Variants in ERBB4 observed in about 807,000 individuals in gnomAD.
ERBB4 encodes erb-b2 receptor tyrosine kinase 4, also known as receptor tyrosine-protein kinase erbB-4.
A neutral mutation model predicts 158.0 loss-of-function variants in ERBB4; 42 were observed. The observed-to-expected ratio is 0.27, with a 90% CI of 0.21 to 0.34. The LOEUF (loss-of-function observed/expected upper bound fraction) is 0.34, where lower values mean the gene tolerates loss of function less well. ERBB4 is among the 10% of genes least tolerant of loss of function. The probability of loss-of-function intolerance (pLI) is 1.00; values close to 1 mark genes in which losing one functional copy is unlikely to be tolerated. For missense variants in ERBB4, 1,333 were observed against 1,624.1 expected, an observed-to-expected ratio of 0.82 and a Z score of 3.08; for synonymous variants, 583 against 558.7, an observed-to-expected ratio of 1.04 and a Z score of -0.61.
chr2:211,560,262 C>CTGTTTTTTTTTTTT (rs2067350307), intron 20 of ERBB4, among the ~76,000 whole-genome samples: 1 of 46,286 alleles, frequency 2.2e-5, no homozygotes, highest in African/African-American at 9.6e-5. Context: ...TGAAGCTTAG[C>CTGTTTTTTTTTTTT]TTTTTTTTTT....
intron 25 of ERBB4, among the ~76,000 whole-genome samples, chr2:211,411,356 G>C (rs2063258040): frequency 6.6e-6 from 1 of 152,148 alleles, no homozygotes; most frequent in African/African-American, 2.4e-5. Flanking sequence ...GTATTTGAAA[G>C]GTTTCTCAAA....
At chr2:211,748,460 T>C (rs2075036309) in intron 5 of ERBB4, among the ~76,000 whole-genome samples, 1 of 152,154 alleles carries the variant, frequency 6.6e-6, no homozygotes, top group South Asian at 2.1e-4. Flanking sequence ...TTCTGGGATC[T>C]AGCACTGGAG....
chr2:211,388,188 A>G (rs2062727382), intron 25 of ERBB4, among the ~76,000 whole-genome samples, 196 bp from the exon 26 acceptor site: 3 of 152,232 alleles, frequency 2.0e-5, no homozygotes. Context: ...TGTTTTGAGG[A>G]AAATAAATAT....
At chr2:211,929,283 GAGAC>G (rs1164321457) in intron 3 of ERBB4, among the ~76,000 whole-genome samples, 3 of 151,406 alleles carry the variant, frequency 2.0e-5, no homozygotes, top group African/African-American at 2.4e-5. Flanking sequence ...GAGAGAGAGA[GAGAC>G]AGAGAGAATA....
At chr2:211,782,552 T>C (rs556095971) in intron 4 of ERBB4, among the ~76,000 whole-genome samples, 2 of 152,292 alleles carry the variant, frequency 1.3e-5, no homozygotes, top group Admixed American at 6.5e-5. Flanking sequence ...AGCAGTGCCA[T>C]GATGTAAATA....
At chr2:211,524,131 G>A (rs1484589790) in intron 20 of ERBB4, among the ~76,000 whole-genome samples, 3 of 151,954 alleles carry the variant, frequency 2.0e-5, no homozygotes, top group Non-Finnish European at 4.4e-5. Flanking sequence ...GTGTATTTAC[G>A]ATCCCTGAGC....
intron 25 of ERBB4, among the ~76,000 whole-genome samples, chr2:211,409,138 CTATT>C (rs1341291175): frequency 2.0e-5 from 3 of 151,918 alleles, no homozygotes; most frequent in Admixed American, 1.3e-4. Flanking sequence ...TATTTAATTG[CTATT>C]TATTGAAGAT....
chr2:212,377,288 T>C (rs970795126), intron 1 of ERBB4, among the ~76,000 whole-genome samples: 3 of 149,772 alleles, frequency 2.0e-5, no homozygotes, highest in African/African-American at 7.3e-5. Context: ...CATATGTATA[T>C]ACACACACAC....
intron 1 of ERBB4, among the ~76,000 whole-genome samples, chr2:212,294,244 C>T (rs72945699): frequency 0.17 from 25,201 of 151,826 alleles, 2,274 homozygotes; most frequent in South Asian, 0.3. Flanking sequence ...TAGAAGCATC[C>T]AACATGCAAA....
chr2:212,361,912 T>G (rs2089701373), intron 1 of ERBB4, among the ~76,000 whole-genome samples: 1 of 151,700 alleles, frequency 6.6e-6, no homozygotes, highest in Admixed American at 6.6e-5. Context: ...CTAACTCATA[T>G]GACATTTTAA....
intron 3 of ERBB4, among the ~76,000 whole-genome samples, chr2:211,856,425 G>A (rs930026455): frequency 1.7e-4 from 25 of 147,784 alleles, no homozygotes; most frequent in Admixed American, 8.8e-4. Flanking sequence ...TCGCTCTGTC[G>A]CCCAGGCTGG....
chr2:212,247,903 G>A (rs569835502), intron 1 of ERBB4, among the ~76,000 whole-genome samples: 12 of 152,088 alleles, frequency 7.9e-5, no homozygotes, highest in East Asian at 5.8e-4. Flanking sequence ...AGCAGAGGCC[G>A]CAGTGAGCCG....
chr2:211,722,735 C>A (rs1037777483), intron 6 of ERBB4, among the ~76,000 whole-genome samples: 25 of 152,140 alleles, frequency 1.6e-4, no homozygotes, highest in African/African-American at 5.6e-4. Flanking sequence ...TTTATGGCTA[C>A]TGATGCTCAA....
chr2:211,704,241 G>T, intron 10 of ERBB4, 47 bp from the exon 11 acceptor site: 1 of 1,172,290 alleles, frequency 8.5e-7, no homozygotes, highest in Non-Finnish European at 1.3e-6. Flanking sequence ...CATTGTCTTA[G>T]TATTAGTGCT....
intron 3 of ERBB4, among the ~76,000 whole-genome samples, chr2:211,874,205 T>C (rs937086792): frequency 6.6e-6 from 1 of 152,150 alleles, no homozygotes; most frequent in Non-Finnish European, 1.5e-5. Flanking sequence ...CTCATTTTGC[T>C]AGTTATATCT....
intron 14 of ERBB4, among the ~76,000 whole-genome samples, chr2:211,670,005 A>G (rs963912366): frequency 1.3e-5 from 2 of 152,230 alleles, no homozygotes; most frequent in Non-Finnish European, 2.9e-5. Context: ...GGAAATATTC[A>G]TAGATCAAAA....
chr2:212,147,157 ATTTTTTTTTTTTTT>A (rs71397161), intron 1 of ERBB4, among the ~76,000 whole-genome samples: 33 of 34,260 alleles, frequency 9.6e-4, no homozygotes, highest in African/African-American at 4.0e-3. Flanking sequence ...TGCCCAGCTA[ATTTTTTTTTTTTTT>A]TTTTTTTTTT....
chr2:211,385,877 G>C (rs536612207), intron 27 of ERBB4, among the ~76,000 whole-genome samples: 1 of 152,090 alleles, frequency 6.6e-6, no homozygotes, highest in Non-Finnish European at 1.5e-5. Flanking sequence ...GTCTACATTT[G>C]TGTCATTACT....
intron 3 of ERBB4, among the ~76,000 whole-genome samples, chr2:211,841,604 C>T (rs73071322): frequency 0.015 from 2,252 of 151,888 alleles, 63 homozygotes; most frequent in African/African-American, 0.052. Flanking sequence ...TCCTCTGATA[C>T]ATTTCATATA....
Sources: gnomAD v4.1 joint callset for allele counts (sites outside exome capture counted in the v4.1 genomes callset) on GRCh38, gnomAD v4.1.1 for gene constraint, MANE v1.5 for transcripts, NCBI Gene and HGNC (gene_info 2026-07-23, HGNC 2026-07-21) for gene names.